Variants in WDFY4 observed in about 807,000 individuals in gnomAD.
WDFY4 encodes the protein WD repeat- and FYVE domain-containing protein 4.
Under a neutral mutation model 351.9 loss-of-function variants are expected in WDFY4, and 169 were observed. That is an observed-to-expected ratio of 0.48 (90% CI 0.42 to 0.55). The LOEUF is 0.55. Ranked by LOEUF, WDFY4 falls within the 20% of genes least tolerant of loss-of-function variation. The probability of loss-of-function intolerance (pLI) is 0.00; values close to 1 mark genes in which losing one functional copy is unlikely to be tolerated. For synonymous variants in WDFY4, 1,622 were observed against 1,574.6 expected, an observed-to-expected ratio of 1.03 and a Z score of -0.71; for missense variants, 3,803 against 3,935.6, an observed-to-expected ratio of 0.97 and a Z score of 0.90.
At chr10:48,970,408 G>A in intron 57 of WDFY4, 119 bp downstream of exon 57, 2 of 1,357,004 alleles carry the variant, frequency 1.5e-6, no homozygotes, top group Middle Eastern at 2.4e-4. Context: ...CCCTAACTCT[G>A]CTCACTGAGG....
At chr10:48,899,714 C>A (rs1033662212) in intron 45 of WDFY4, among the ~76,000 whole-genome samples, 1 of 152,152 alleles carries the variant, frequency 6.6e-6, no homozygotes, top group Non-Finnish European at 1.5e-5. Flanking sequence ...TTAATTTAGG[C>A]ATTAAGGAAA....
intron 40 of WDFY4, among the ~76,000 whole-genome samples, chr10:48,871,919 A>G (rs1409137038): frequency 6.6e-6 from 1 of 152,240 alleles, no homozygotes; most frequent in Non-Finnish European, 1.5e-5. Flanking sequence ...TGATTACTTA[A>G]GCTGAGTAAG....
Position 48,890,586 on chromosome 10 carries a change from A to G in WDFY4, c.7175A>G (p.Gln2392Arg), listed in dbSNP as rs2070654477. The change falls in exon 44 of 62, where the codon CAG becomes CGG. Residue 2392 changes from glutamine (Q) to arginine (R), a missense_variant. By Grantham distance (43) the Gln-to-Arg change is conservative. Transcript: ENST00000325239. ...GCCACTCTCTCCTTCCAGGTGACGC[A>G]GAAGTTCTCCCTGGTGATTGTGCAG... Reference protein sequence around the residue: ...QELLDKEKVTQKFSLVIVQGH... With the variant: ...QELLDKEKVTRKFSLVIVQGH... 1 of 1,551,720 alleles carries G rather than the reference A, an allele frequency of 6.4e-7. No homozygotes were observed. Among genetic ancestry groups the G allele is most frequent in the Non-Finnish European group, 8.7e-7 (1 of 1,146,982 alleles).
chr10:48,740,736 C>G (rs995460859), intron 11 of WDFY4, among the ~76,000 whole-genome samples: 11 of 152,206 alleles, frequency 7.2e-5, no homozygotes, highest in African/African-American at 2.7e-4. Flanking sequence ...GTCAATTTCC[C>G]TGAAGTCTTT....
At chr10:48,961,625 G>A (rs1027106071) in intron 53 of WDFY4, among the ~76,000 whole-genome samples, 2 of 152,166 alleles carry the variant, frequency 1.3e-5, no homozygotes, top group African/African-American at 2.4e-5. Flanking sequence ...AAAATTTTTG[G>A]AGATGTGGAG....
chr10:48,955,799 G>A (rs1841560650), intron 51 of WDFY4, among the ~76,000 whole-genome samples: 3 of 152,174 alleles, frequency 2.0e-5, no homozygotes, highest in Admixed American at 2.0e-4. Flanking sequence ...TTGGGTAAAT[G>A]CAGAGGGAGA....
At position 48,810,574 on chromosome 10, in the gene WDFY4, T is replaced by C. The variant is rs1251572967; in HGVS notation, c.4883T>C (p.Leu1628Pro). 1.3e-6 allele frequency: 2 copies of C among 1,551,620 alleles called. No individual in the cohort carries two copies. The highest frequency in any genetic ancestry group is 1.7e-6 in the Non-Finnish European group (2 of 1,147,006). ...MFLKLGPDWF[L>P]LLLQGHLHAS... is the part of the protein sequence containing the mutation. ...CTGAAACTGGGGCCTGACTGGTTCC[T>C]GCTGCTCCTGCAGGGCCACCTGCAT... Residue 1628 changes from leucine to proline, a missense_variant, in exon 29 of 62, where the codon CTG (leucine) becomes CCG (proline). Physicochemically the swap from Leu to Pro is moderately conservative, Grantham distance 98. This residue lies in a region of WDFY4 where 3,054 missense variants were observed against 3,148.6 expected (regional missense o/e 0.97). Coordinates refer to ENST00000325239, the MANE Select transcript of WDFY4 (RefSeq NM_001394531.1).
intron 55 of WDFY4, 161 bp downstream of exon 55, chr10:48,966,834 A>C: frequency 9.8e-7 from 1 of 1,015,994 alleles, no homozygotes; most frequent in African/African-American, 1.6e-5. Flanking sequence ...GGGGGGTGTC[A>C]TCTCTGGGAA....
At chr10:48,824,827 A>G (rs1245717441) in intron 35 of WDFY4, among the ~76,000 whole-genome samples, 1 of 152,094 alleles carries the variant, frequency 6.6e-6, no homozygotes, top group Non-Finnish European at 1.5e-5. Context: ...ACTTTTTGGA[A>G]AGATAGGGTC....
intron 61 of WDFY4, 50 bp from the exon 62 acceptor site, chr10:48,982,456 GGAC>G: frequency 7.0e-7 from 1 of 1,428,998 alleles, no homozygotes; most frequent in Non-Finnish European, 9.3e-7. Context: ...GTGCTGGCGG[GGAC>G]AAGTGGTACT....
chr10:48,760,726 A>G (rs1205034220), intron 13 of WDFY4, among the ~76,000 whole-genome samples: 2 of 152,202 alleles, frequency 1.3e-5, no homozygotes, highest in African/African-American at 4.8e-5. Context: ...TAATTGAACC[A>G]TAGTAAGGCA....
rs137874618 is a variant in WDFY4, at chr10:48,827,139, A to G, written c.6221+230A>G. ...GATAATAATTTACCCTATTTCCACA[A>G]TTCTAGGATTGTAAGATAAGTCATT... is the stretch of plus-strand genomic sequence containing the variant. On this transcript the variant is annotated intron_variant, in intron 36 of 61. Coordinates refer to ENST00000325239, the MANE Select transcript of WDFY4 (RefSeq NM_001394531.1). Among the ~76,000 whole-genome samples the G allele has an allele frequency of 8.4e-4, 128 of 152,316 alleles. 3 individuals are homozygous for G. The East Asian group carries it at 0.024, about 29-fold the overall frequency.
intron 24 of WDFY4, among the ~76,000 whole-genome samples, chr10:48,800,863 G>A (rs1327632744): frequency 6.6e-6 from 1 of 151,554 alleles, no homozygotes; most frequent in East Asian, 1.9e-4. Flanking sequence ...CTCCCAAGTA[G>A]CTGGGATTAC....
chr10:48,731,107 C>T lies in WDFY4; in HGVS notation c.1130-3C>T. 1 of 1,533,594 alleles carries T rather than the reference C, an allele frequency of 6.5e-7. No homozygotes were observed. The highest frequency in any genetic ancestry group is 8.8e-7 in the Non-Finnish European group (1 of 1,135,892). The allele number at this position is 1,533,594 out of a possible 1,614,324, so 95.0% of individuals were successfully genotyped here. ...GTAAGATCATTCTTGTTTTCCTCCTCAGGGGTGACTGTTAAGAATCTTCAG... is the reference window on the plus strand; with the variant it reads ...GTAAGATCATTCTTGTTTTCCTCCTTAGGGGTGACTGTTAAGAATCTTCAG... On this transcript the variant is annotated splice_region_variant and splice_polypyrimidine_tract_variant and intron_variant, in intron 8 of 61. Coordinates refer to ENST00000325239, the MANE Select transcript of WDFY4 (RefSeq NM_001394531.1).
chr10:48,943,771 T>G (rs1202361329), intron 49 of WDFY4, among the ~76,000 whole-genome samples: 3 of 152,100 alleles, frequency 2.0e-5, no homozygotes, highest in Admixed American at 1.3e-4. Context: ...TTTTTTTGTA[T>G]TTTAGTAGAG....
chr10:48,804,293 T>C (rs17011216), intron 25 of WDFY4, among the ~76,000 whole-genome samples: 6,758 of 152,262 alleles, frequency 0.044, 519 homozygotes, highest in African/African-American at 0.15. Context: ...TGAACATCTA[T>C]TATAAACTTA....
At chr10:48,885,333 C>T (rs1247712457) in intron 43 of WDFY4, among the ~76,000 whole-genome samples, 1 of 152,198 alleles carries the variant, frequency 6.6e-6, no homozygotes, top group Non-Finnish European at 1.5e-5. Flanking sequence ...CAGAGCTACC[C>T]TGGCTAAAAA....
At chr10:48,819,387 G>A (rs1405249878) in intron 32 of WDFY4, among the ~76,000 whole-genome samples, 2 of 152,192 alleles carry the variant, frequency 1.3e-5, no homozygotes, top group African/African-American at 4.8e-5. Context: ...AAGGCCGCAC[G>A]GAGCTAATTA....
chr10:48,778,925 G>C, intron 18 of WDFY4, 93 bp downstream of exon 18: 1 of 1,364,686 alleles, frequency 7.3e-7, no homozygotes, highest in Admixed American at 2.1e-5. Context: ...TTAGAAACCT[G>C]GTGACCTTCT....
Sources: allele counts gnomAD v4.1 joint callset (sites outside exome capture counted in the v4.1 genomes callset), GRCh38; gene constraint gnomAD v4.1.1; regional missense constraint gnomAD v4.1.1; transcripts MANE v1.5; gene names NCBI Gene and HGNC (gene_info 2026-07-23, HGNC 2026-07-21).